SAP130: variants seen among roughly 807,000 people sequenced by gnomAD.
The protein encoded by SAP130 is histone deacetylase complex subunit SAP130.
In SAP130, 16 loss-of-function variants were observed where a neutral mutation model predicts 103.2. The ratio of observed to expected loss-of-function variants is 0.16; its 90% CI spans 0.10 to 0.24. The LOEUF (loss-of-function observed/expected upper bound fraction) is 0.24. Ranked by LOEUF, SAP130 falls within the 10% of genes least tolerant of loss-of-function variation. SAP130 has a pLI of 1.00. For synonymous variants in SAP130, 477 were observed against 497.0 expected (o/e 0.96, Z 0.53); for missense variants, 990 against 1,359.7 (o/e 0.73, Z 4.28).
At chr2:127,994,529 T>C (rs749138844) in intron 11 of SAP130, among the ~76,000 whole-genome samples, 1 of 152,146 alleles carries the variant, frequency 6.6e-6, no homozygotes, top group African/African-American at 2.4e-5. Context: ...GAGGCAGGGA[T>C]TGCAGTGAGC....
At chr2:127,990,477 T>C (rs1462236557) in intron 12 of SAP130, among the ~76,000 whole-genome samples, 1 of 152,118 alleles carries the variant, frequency 6.6e-6, no homozygotes, top group Non-Finnish European at 1.5e-5. Flanking sequence ...ATCAAAACAA[T>C]CCAGAGATGT....
At position 127,941,990 on chromosome 2, in the gene SAP130, C is replaced by G; in HGVS notation, c.*16G>C. 1 of 1,304,132 alleles carries G rather than the reference C, an allele frequency of 7.7e-7. No homozygotes were observed. The highest frequency in any genetic ancestry group is 1.0e-6 in the Non-Finnish European group (1 of 1,001,688). The allele number at this position is 1,304,132 out of a possible 1,614,324, so 80.8% of individuals were successfully genotyped here. On this transcript the variant is annotated 3_prime_UTR_variant, in exon 21 of 21. Coordinates refer to ENST00000643581, the MANE Select transcript of SAP130 (RefSeq NM_001330301.2). ...TTCTTCATAAATTTGCTTCCAATCT[C>G]CTGATTGTTCTGGGTCTAGACTTTT...
intron 3 of SAP130, among the ~76,000 whole-genome samples, chr2:128,017,077 T>C (rs929642769): frequency 2.6e-5 from 4 of 152,222 alleles, no homozygotes; most frequent in South Asian, 4.1e-4. Context: ...ATCCCAGCAA[T>C]CTGGGAAGCT....
intron 15 of SAP130, among the ~76,000 whole-genome samples, chr2:127,974,505 C>T (rs1372394863): frequency 2.0e-5 from 3 of 152,138 alleles, no homozygotes; most frequent in Non-Finnish European, 4.4e-5. Context: ...ATACACATGA[C>T]AGTGGTCCCA....
In SAP130 at chr2:127,996,662, C is replaced by T. The variant is rs1000612971; in HGVS notation, c.1214-171G>A. Among the ~76,000 whole-genome samples the T allele has an allele frequency of 6.6e-6, 1 of 152,148 alleles. No homozygotes were observed. The highest frequency in any genetic ancestry group is 1.5e-5 in the Non-Finnish European group (1 of 68,032). ...CAAAGTTCAACAGAATTATTTCAAT[C>T]CTATCATTCACTGATATACTCCTAC... On this transcript the variant is annotated intron_variant, in intron 10 of 20. Coordinates refer to ENST00000643581, the MANE Select transcript of SAP130 (RefSeq NM_001330301.2). This position sits in a 1 kb window ranked among gnomAD's most constrained non-coding sequence, Gnocchi z 4.3.
chr2:127,952,987 C>T (rs192837830), intron 16 of SAP130, among the ~76,000 whole-genome samples: 4 of 152,260 alleles, frequency 2.6e-5, no homozygotes, highest in Non-Finnish European at 5.9e-5. Context: ...ATGACAACTC[C>T]CAAATTTGTA....
rs141765242 is a variant in SAP130, at chr2:127,948,161, C to T, written c.2797+1708G>A. 3.4e-4 allele frequency among the ~76,000 whole-genome samples: 51 copies of T among 152,226 alleles called. 1 individual carries two copies. In the South Asian group the frequency reaches 6.4e-3, roughly 19 times the overall value. ...GCATTCAAAGTGAGTTTCTTGTACA[C>T]AGCACATAGTTGGACTGTGTTTTTT... On this transcript the variant is annotated intron_variant, in intron 18 of 20. Transcript: ENST00000643581.
rs777672246 is a variant in SAP130 at position 127,968,019 on chromosome 2, T to C, written c.2063+9966A>G. ...AAAATTCACAATGACAGGTGAGACT[T>C]CTTCCCTGAGTCAGGTAACGGTTTT... On this transcript the variant is annotated intron_variant, in intron 15 of 20. Transcript: ENST00000643581. Among the ~76,000 whole-genome samples the C allele has an allele frequency of 1.8e-4, 27 of 152,264 alleles. No homozygotes were observed. The Middle Eastern group carries it at 0.01, about 58-fold the overall frequency.
rs1330782815 is a variant in SAP130 at position 128,001,553 on chromosome 2, CCT to C, written c.870-1101_870-1100del. On this transcript the variant is annotated intron_variant, in intron 7 of 20. Transcript: ENST00000643581. Reference sequence around the variant, plus strand: ...GTCAGATGGACAAATGATACAGGTGCCTCTTTTTTAATCTTTTACACTGTATT... The same window carrying C: ...GTCAGATGGACAAATGATACAGGTGCCTTTTTTAATCTTTTACACTGTATT... Among the ~76,000 whole-genome samples, 11 of 152,154 alleles carry C rather than the reference CCT, an allele frequency of 7.2e-5. 1 individual carries two copies. In the East Asian group the frequency reaches 2.1e-3, roughly 29 times the overall value.
chr2:128,001,450 A>G (rs546264872), intron 7 of SAP130, among the ~76,000 whole-genome samples: 2 of 152,356 alleles, frequency 1.3e-5, no homozygotes, highest in African/African-American at 4.8e-5. Flanking sequence ...TAGCTGGAGG[A>G]CAAAAAGAAC....
At chr2:128,000,728 T>C (rs1410917836) in intron 7 of SAP130, among the ~76,000 whole-genome samples, 2 of 152,094 alleles carry the variant, frequency 1.3e-5, no homozygotes, top group Admixed American at 6.5e-5. Flanking sequence ...CTTGAGTTAA[T>C]ATCATTATAA....
intron 7 of SAP130, among the ~76,000 whole-genome samples, chr2:128,009,466 G>A (rs1032165000): frequency 3.3e-5 from 5 of 151,978 alleles, no homozygotes; most frequent in Non-Finnish European, 5.9e-5. Flanking sequence ...GTGAGACCCT[G>A]TCTCCAAAAA....
At chr2:127,990,231 A>G (rs1327710503) in intron 12 of SAP130, among the ~76,000 whole-genome samples, 1 of 152,222 alleles carries the variant, frequency 6.6e-6, no homozygotes. Context: ...TTTAATTGAT[A>G]GGGCCACTAT....
rs2104763011 is a variant in SAP130 at position 127,955,724 on chromosome 2, G to A, written c.2064-380C>T. Among the ~76,000 whole-genome samples the A allele has an allele frequency of 6.6e-6, 1 of 152,258 alleles. No homozygotes were observed. Among genetic ancestry groups the A allele is most frequent in the East Asian group, 1.9e-4 (1 of 5,182 alleles). The stretch of plus-strand genomic sequence containing the variant: ...GCTGATCTCCAACTCCTGAACTCAA[G>A]TGATCCGCCTGCCTCGGCCTCCCAA... On this transcript the variant is annotated intron_variant, in intron 15 of 20. Transcript: ENST00000643581. This position sits in a 1 kb window ranked among gnomAD's most constrained non-coding sequence, Gnocchi z 4.9.
intron 15 of SAP130, among the ~76,000 whole-genome samples, chr2:127,961,975 C>T (rs1383987347): frequency 1.3e-5 from 2 of 152,122 alleles, no homozygotes; most frequent in East Asian, 1.9e-4. Flanking sequence ...CCAACTCTGG[C>T]GTGTTAGCTC....
chr2:127,959,389 AAAC>A, intron 15 of SAP130, among the ~76,000 whole-genome samples: 2 of 152,344 alleles, frequency 1.3e-5, no homozygotes, highest in South Asian at 4.1e-4. Flanking sequence ...AACGTCACAG[AAAC>A]AACTGCGGCC....
chr2:128,010,220 A>G lies in SAP130; in HGVS notation c.869+49T>C, dbSNP rs199647630. The G allele has an allele frequency of 5.3e-4, 829 of 1,566,068 alleles. 4 individuals carry two copies. Among genetic ancestry groups the G allele is most frequent in the Middle Eastern group, 2.7e-3 (16 of 5,860 alleles). On this transcript the variant is annotated intron_variant, in intron 7 of 20. Transcript: ENST00000643581. ...TGAAGGAACGAAAGAAAAAAGAGTG[A>G]AGGAGGAGGATGGCAGGAAGGTTCA... is the stretch of plus-strand genomic sequence containing the variant.
At chr2:128,025,920 C>G (rs1024223912) in intron 2 of SAP130, among the ~76,000 whole-genome samples, 3 of 152,172 alleles carry the variant, frequency 2.0e-5, no homozygotes, top group Admixed American at 2.0e-4. Flanking sequence ...ATTAATTAAA[C>G]AAGAATATAT....
At chr2:128,008,969 G>T (rs894919548) in intron 7 of SAP130, among the ~76,000 whole-genome samples, 1 of 152,076 alleles carries the variant, frequency 6.6e-6, no homozygotes, top group South Asian at 2.1e-4. Flanking sequence ...ACATGCATGA[G>T]CCATTATATC....
Sources: gnomAD v4.1 joint callset for allele counts (sites outside exome capture counted in the v4.1 genomes callset) on GRCh38, gnomAD v4.1.1 for gene constraint, Gnocchi (gnomAD v3.1) non-coding constraint, MANE v1.5 for transcripts, NCBI Gene and HGNC (gene_info 2026-07-23, HGNC 2026-07-21) for gene names.